The following SGCZ variants were observed in gnomAD, a reference collection of about 807,000 sequenced individuals.
SGCZ encodes zeta-sarcoglycan.
In SGCZ, 40 loss-of-function variants were observed where a neutral mutation model predicts 41.3. The ratio of observed to expected loss-of-function variants is 0.97; its 90% confidence interval spans 0.75 to 1.26. The LOEUF is 1.26. SGCZ is among the 50% of genes most tolerant of loss of function. The pLI is 0.00. For missense variants in SGCZ, 552 were observed against 369.8 expected, an observed-to-expected ratio of 1.49 and a Z score of -4.04; for synonymous variants, 206 against 137.5, an observed-to-expected ratio of 1.50 and a Z score of -3.49.
At chr8:14,622,251 G>T (rs1806310526) in intron 1 of SGCZ, among the ~76,000 whole-genome samples, 1 of 152,124 alleles carries the variant, frequency 6.6e-6, no homozygotes, top group African/African-American at 2.4e-5. Flanking sequence ...CAAGGAGGAG[G>T]TAGTGAGTAA....
At chr8:14,371,258 A>T (rs766531242) in intron 2 of SGCZ, among the ~76,000 whole-genome samples, 64 of 152,074 alleles carry the variant, frequency 4.2e-4, no homozygotes, top group Non-Finnish European at 8.1e-4. Context: ...ACAATTAGTG[A>T]CTCAGTCTCC....
intron 5 of SGCZ, among the ~76,000 whole-genome samples, chr8:14,132,134 T>C (rs955081558): frequency 6.6e-6 from 1 of 152,160 alleles, no homozygotes; most frequent in African/African-American, 2.4e-5. Flanking sequence ...TCAACTTTCC[T>C]TATTCCTTTT....
intron 2 of SGCZ, among the ~76,000 whole-genome samples, chr8:14,479,789 T>C (rs1408661286): frequency 6.8e-6 from 1 of 147,488 alleles, no homozygotes; most frequent in Non-Finnish European, 1.5e-5. Context: ...GCTCTTGCAG[T>C]GCTTGGAGTG....
chr8:14,452,414 GAA>G (rs1800621405), intron 2 of SGCZ, among the ~76,000 whole-genome samples: 1 of 151,980 alleles, frequency 6.6e-6, no homozygotes, highest in Non-Finnish European at 1.5e-5. Flanking sequence ...CTAACTCAAA[GAA>G]TGTGCAATTC....
At chr8:14,524,318 A>C (rs1253602504) in intron 2 of SGCZ, among the ~76,000 whole-genome samples, 1 of 151,886 alleles carries the variant, frequency 6.6e-6, no homozygotes, top group Non-Finnish European at 1.5e-5. Context: ...TGTCCATTGA[A>C]ACCCGAGGCA....
intron 1 of SGCZ, among the ~76,000 whole-genome samples, chr8:14,615,373 T>C (rs1337298535): frequency 1.3e-5 from 2 of 152,226 alleles, no homozygotes; most frequent in South Asian, 2.1e-4. Context: ...TTCTCTTCTG[T>C]GCTCCTGTAT....
At chr8:14,677,912 A>T (rs1808326050) in intron 1 of SGCZ, among the ~76,000 whole-genome samples, 1 of 152,248 alleles carries the variant, frequency 6.6e-6, no homozygotes, top group African/African-American at 2.4e-5. Context: ...TTTACTATAA[A>T]GCTATGGAAA....
At chr8:15,231,091 A>C (rs529007088) in intron 1 of SGCZ, among the ~76,000 whole-genome samples, 25 of 152,156 alleles carry the variant, frequency 1.6e-4, no homozygotes, top group Non-Finnish European at 3.2e-4. Context: ...AGTACTTTGC[A>C]TGCTTCTGAA....
At chr8:14,251,587 T>C (rs898000721) in intron 3 of SGCZ, among the ~76,000 whole-genome samples, 1 of 152,172 alleles carries the variant, frequency 6.6e-6, no homozygotes. Flanking sequence ...CTCCACTGAA[T>C]TTTGGAAACC....
intron 5 of SGCZ, among the ~76,000 whole-genome samples, chr8:14,140,391 C>T (rs1161988803): frequency 6.6e-6 from 1 of 152,146 alleles, no homozygotes; most frequent in Non-Finnish European, 1.5e-5. Context: ...TCCCTGTTTG[C>T]AGATGACATG....
At chr8:14,253,862 C>T (rs1052377309) in intron 3 of SGCZ, among the ~76,000 whole-genome samples, 7 of 152,060 alleles carry the variant, frequency 4.6e-5, no homozygotes, top group South Asian at 2.1e-4. Context: ...TGAACCTTCT[C>T]CTAGTGGAGA....
chr8:14,584,574 T>A (rs761166553), intron 1 of SGCZ, among the ~76,000 whole-genome samples: 1 of 152,090 alleles, frequency 6.6e-6, no homozygotes. Context: ...TAATTACAAA[T>A]GATTAGGTTA....
At chr8:14,614,523 G>C (rs569304715) in intron 1 of SGCZ, among the ~76,000 whole-genome samples, 1 of 151,966 alleles carries the variant, frequency 6.6e-6, no homozygotes, top group Non-Finnish European at 1.5e-5. Context: ...TATCTTTCAA[G>C]ATATATCTAT....
chr8:14,102,563 A>G lies in SGCZ; in HGVS notation c.621-64T>C, dbSNP rs1802067095. Reference sequence around the variant, plus strand: ...ACACAAAAAAATCATTAATAGAAAAAAGAAAATTTTTGATAAACTAGAAGA... The same window carrying G: ...ACACAAAAAAATCATTAATAGAAAAGAGAAAATTTTTGATAAACTAGAAGA... On this transcript the variant is annotated intron_variant, in intron 6 of 7. Coordinates refer to ENST00000382080, the MANE Select transcript of SGCZ (RefSeq NM_139167.4). 3.2e-6 allele frequency: 4 copies of G among 1,268,610 alleles called. No individual in the cohort carries two copies. The South Asian group carries it at 1.2e-4, about 38-fold the overall frequency. The allele number at this position is 1,268,610 out of a possible 1,614,324, so 78.6% of individuals were successfully genotyped here.
chr8:14,112,712 A>C (rs967459268), intron 5 of SGCZ, among the ~76,000 whole-genome samples: 2 of 152,042 alleles, frequency 1.3e-5, no homozygotes, highest in African/African-American at 4.8e-5. Context: ...TTTGGTTTTT[A>C]TTTGTAAAAT....
intron 2 of SGCZ, among the ~76,000 whole-genome samples, chr8:14,395,424 G>A (rs538499776): frequency 6.6e-6 from 1 of 152,112 alleles, no homozygotes; most frequent in Admixed American, 6.6e-5. Flanking sequence ...TTTAAAAAGA[G>A]ACTATTGCAA....
At position 14,627,550 on chromosome 8, in the gene SGCZ, T is replaced by G. The variant is rs139573162; in HGVS notation, c.40-72624A>C. On this transcript the variant is annotated intron_variant, in intron 1 of 7. Coordinates refer to ENST00000382080, the MANE Select transcript of SGCZ (RefSeq NM_139167.4). ...GATAGAAAGATCCTGAAAACATTAT[T>G]TACCATTTTCCTACTATGTGGTAAT... Among the ~76,000 whole-genome samples, 1,341 of 152,238 alleles carry G rather than the reference T, an allele frequency of 8.8e-3. 18 individuals are homozygous for G. Among genetic ancestry groups the G allele is most frequent in the African/African-American group, 0.031 (1,270 of 41,564 alleles).
intron 1 of SGCZ, among the ~76,000 whole-genome samples, chr8:14,773,113 C>T (rs1421601776): frequency 1.3e-5 from 2 of 152,234 alleles, no homozygotes; most frequent in African/African-American, 2.4e-5. Flanking sequence ...TTTTAATGAT[C>T]ACCATTCTAA....
At chr8:15,029,560 T>G (rs1803582366) in intron 1 of SGCZ, among the ~76,000 whole-genome samples, 1 of 152,126 alleles carries the variant, frequency 6.6e-6, no homozygotes, top group South Asian at 2.1e-4. Context: ...ACTACAATTT[T>G]GAAACAATTT....
Sources: allele counts gnomAD v4.1 joint callset (sites outside exome capture counted in the v4.1 genomes callset), GRCh38; gene constraint gnomAD v4.1.1; transcripts MANE v1.5; gene names NCBI Gene and HGNC (gene_info 2026-07-23, HGNC 2026-07-21).